The following NOL4 variants were observed in gnomAD, a reference collection of about 807,000 sequenced individuals.
NOL4 encodes the protein cancer/testis antigen 125.
A neutral mutation model predicts 75.9 loss-of-function variants in NOL4; 17 were observed. The observed-to-expected ratio is 0.22, with a 90% CI of 0.15 to 0.34. NOL4 has a LOEUF of 0.34. NOL4 is among the 10% of genes least tolerant of loss of function. NOL4 has a pLI of 1.00. For synonymous variants in NOL4, 292 were observed against 289.9 expected (o/e 1.01, Z -0.07); for missense variants, 614 against 793.5 (o/e 0.77, Z 2.72).
chr18:33,882,436 C>T (rs1217705675), intron 10 of NOL4, among the ~76,000 whole-genome samples: 1 of 151,938 alleles, frequency 6.6e-6, no homozygotes, highest in Non-Finnish European at 1.5e-5. Flanking sequence ...ATTTATGCAG[C>T]CAAAAAACAC....
chr18:34,001,978 G>A (rs2073747041), intron 6 of NOL4, among the ~76,000 whole-genome samples: 1 of 152,076 alleles, frequency 6.6e-6, no homozygotes, highest in Non-Finnish European at 1.5e-5. Flanking sequence ...AGCAGCTTGA[G>A]GCCAGTGCCA....
At chr18:33,967,078 A>T (rs566479403) in intron 6 of NOL4, among the ~76,000 whole-genome samples, 1 of 152,286 alleles carries the variant, frequency 6.6e-6, no homozygotes, top group African/African-American at 2.4e-5. Flanking sequence ...TTCAAACTAC[A>T]CTACAAGGAT....
intron 5 of NOL4, among the ~76,000 whole-genome samples, chr18:34,084,497 A>C (rs1179839434): frequency 6.6e-6 from 1 of 152,202 alleles, no homozygotes; most frequent in African/African-American, 2.4e-5. Flanking sequence ...GATGGGGAAG[A>C]AATTTCAAAA....
At chr18:34,030,828 A>AGT (rs1265060612) in intron 5 of NOL4, among the ~76,000 whole-genome samples, 1 of 152,204 alleles carries the variant, frequency 6.6e-6, no homozygotes, top group Admixed American at 6.5e-5. Flanking sequence ...CCCGTAAATA[A>AGT]GTGCAATTAT....
At chr18:33,901,853 T>TCACC (rs1311248167) in intron 9 of NOL4, among the ~76,000 whole-genome samples, 1 of 152,030 alleles carries the variant, frequency 6.6e-6, no homozygotes, top group South Asian at 2.1e-4. Flanking sequence ...GATATGGAGA[T>TCACC]TATTTAAAAG....
At chr18:33,982,573 C>CAGT (rs2072052651) in intron 6 of NOL4, among the ~76,000 whole-genome samples, 1 of 152,030 alleles carries the variant, frequency 6.6e-6, no homozygotes, top group South Asian at 2.1e-4. Context: ...CAAACACCAA[C>CAGT]AGTACCACAG....
intron 5 of NOL4, among the ~76,000 whole-genome samples, chr18:34,027,310 G>A (rs1414214419): frequency 1.3e-5 from 2 of 152,086 alleles, no homozygotes; most frequent in African/African-American, 2.4e-5. Flanking sequence ...GGGTGTTGGG[G>A]TCAGGAATCA....
intron 9 of NOL4, among the ~76,000 whole-genome samples, chr18:33,886,846 G>T (rs1396942272): frequency 3.8e-5 from 5 of 132,116 alleles, no homozygotes; most frequent in African/African-American, 1.2e-4. Flanking sequence ...TATATATCTA[G>T]ATATATCTAC....
chr18:34,052,630 G>A (rs2076671414), intron 5 of NOL4, among the ~76,000 whole-genome samples: 1 of 151,984 alleles, frequency 6.6e-6, no homozygotes, highest in African/African-American at 2.4e-5. Context: ...AATGTATTAG[G>A]AATAGACAGA....
chr18:34,063,057 G>GATTT (rs1173507334), intron 5 of NOL4, among the ~76,000 whole-genome samples: 1 of 152,088 alleles, frequency 6.6e-6, no homozygotes, highest in East Asian at 1.9e-4. Context: ...AGAGAAGAGT[G>GATTT]ATTTACCTTT....
intron 5 of NOL4, among the ~76,000 whole-genome samples, chr18:34,087,123 C>G (rs1600534680): frequency 1.3e-5 from 2 of 152,238 alleles, no homozygotes; most frequent in East Asian, 1.9e-4. Flanking sequence ...GTGTGGAGCA[C>G]TGGTTCCCAT....
chr18:34,110,653 T>C (rs2079544555), intron 2 of NOL4, among the ~76,000 whole-genome samples: 1 of 152,146 alleles, frequency 6.6e-6, no homozygotes, highest in South Asian at 2.1e-4. Flanking sequence ...TTGTCACTTG[T>C]ATTCAATATG....
chr18:34,011,032 G>C (rs1475818359), intron 6 of NOL4, among the ~76,000 whole-genome samples: 1 of 151,462 alleles, frequency 6.6e-6, no homozygotes, highest in Non-Finnish European at 1.5e-5. Flanking sequence ...AGCACAACAG[G>C]GTGGCTACAG....
intron 6 of NOL4, among the ~76,000 whole-genome samples, chr18:33,974,718 T>C (rs887400042): frequency 6.7e-6 from 1 of 149,396 alleles, no homozygotes; most frequent in Non-Finnish European, 1.5e-5. Context: ...ATGGTGCCAA[T>C]AGACTTGCTT....
chr18:33,902,447 T>C (rs776292198), intron 9 of NOL4, among the ~76,000 whole-genome samples: 4 of 152,182 alleles, frequency 2.6e-5, no homozygotes, highest in Non-Finnish European at 5.9e-5. Context: ...CAGTTTTAAC[T>C]GTTGTTGTAG....
chr18:34,178,221 AC>A (rs1283526351), intron 1 of NOL4, among the ~76,000 whole-genome samples: 1 of 151,794 alleles, frequency 6.6e-6, no homozygotes, highest in African/African-American at 2.4e-5. Context: ...CACAACAACC[AC>A]TAAGAAAATA....
At chr18:34,190,989 A>C (rs2146401013) in intron 1 of NOL4, among the ~76,000 whole-genome samples, 1 of 152,258 alleles carries the variant, frequency 6.6e-6, no homozygotes, top group Admixed American at 6.5e-5. Context: ...ATCCCATGTT[A>C]CTTAAAAATA....
At chr18:34,164,091 C>G (rs1600767742) in intron 1 of NOL4, among the ~76,000 whole-genome samples, 1 of 152,024 alleles carries the variant, frequency 6.6e-6, no homozygotes, top group African/African-American at 2.4e-5. Context: ...AAAATTAATC[C>G]AAGATGGATT....
chr18:34,173,358 A>G (rs2033229355), intron 1 of NOL4, among the ~76,000 whole-genome samples: 1 of 152,100 alleles, frequency 6.6e-6, no homozygotes, highest in Admixed American at 6.6e-5. Context: ...GTATTATTTG[A>G]TATTTGATGA....
Sources: allele counts gnomAD v4.1 joint callset (sites outside exome capture counted in the v4.1 genomes callset), GRCh38; gene constraint gnomAD v4.1.1; transcripts MANE v1.5; gene names NCBI Gene and HGNC (gene_info 2026-07-23, HGNC 2026-07-21).